CUX2: variants seen among roughly 807,000 people sequenced by gnomAD.
CUX2 encodes the protein cut like homeobox 2.
CUX2 carries 40 observed loss-of-function variants against 144.8 expected under a neutral mutation model. The observed-to-expected ratio is 0.28, with a 90% CI of 0.21 to 0.36. The LOEUF (loss-of-function observed/expected upper bound fraction) is 0.36. Ranked by LOEUF, CUX2 falls within the 10% of genes least tolerant of loss-of-function variation. The pLI is 1.00. For synonymous variants in CUX2, 827 were observed against 875.6 expected, an observed-to-expected ratio of 0.94 and a Z score of 0.98; for missense variants, 1,615 against 1,994.0, an observed-to-expected ratio of 0.81 and a Z score of 3.62.
chr12:111,170,441 GA>G (rs66614071), intron 1 of CUX2, among the ~76,000 whole-genome samples: 5 of 140,224 alleles, frequency 3.6e-5, no homozygotes, highest in African/African-American at 8.0e-5. Flanking sequence ...AAGAAAGAAA[GA>G]AAAAAAAAAA....
chr12:111,067,921 T>G (rs529975374), intron 1 of CUX2, among the ~76,000 whole-genome samples: 1 of 152,160 alleles, frequency 6.6e-6, no homozygotes, highest in South Asian at 2.1e-4. Flanking sequence ...AGAAATAAGG[T>G]CCCGCGCAGA....
In CUX2 at chr12:111,341,687, G is replaced by A. The variant is rs926091533; in HGVS notation, c.3386-93G>A. 2.1e-6 allele frequency: 3 copies of A among 1,438,752 alleles called. No homozygotes were observed. The African/African-American group carries it at 4.3e-5, about 20-fold the overall frequency. The allele number at this position is 1,438,752 out of a possible 1,614,324, so 89.1% of individuals were successfully genotyped here. A position where few individuals can be genotyped will look rare whatever the true frequency, so the allele number is the denominator to read the frequency against. ...GGCATGATGGCCTCCGAGTGGGCCT[G>A]ACAGATGCACTCCCACCATGGAACT... On this transcript the variant is annotated intron_variant, in intron 20 of 21. Coordinates refer to ENST00000261726, the MANE Select transcript of CUX2 (RefSeq NM_015267.4).
intron 6 of CUX2, among the ~76,000 whole-genome samples, chr12:111,294,210 C>T (rs1172341702): frequency 6.6e-6 from 1 of 152,158 alleles, no homozygotes; most frequent in African/African-American, 2.4e-5. Flanking sequence ...CGGGTTTAAG[C>T]AATTCTCCTG....
At chr12:111,217,488 G>A (rs904141283) in intron 2 of CUX2, among the ~76,000 whole-genome samples, 2 of 152,180 alleles carry the variant, frequency 1.3e-5, no homozygotes, top group Non-Finnish European at 2.9e-5. Flanking sequence ...GTAGTGCTGA[G>A]CATGGAGAAT....
chr12:111,137,780 G>T (rs948770126), intron 1 of CUX2, among the ~76,000 whole-genome samples: 1 of 152,198 alleles, frequency 6.6e-6, no homozygotes, highest in Admixed American at 6.5e-5. Flanking sequence ...CTCCCAAAGC[G>T]CTGGGATTAT....
chr12:111,341,636 G>GC, intron 20 of CUX2, 144 bp from the exon 21 acceptor site: 6 of 940,588 alleles, frequency 6.4e-6, no homozygotes, highest in Non-Finnish European at 9.5e-6. Context: ...AGGGAGAAAG[G>GC]CTGGGGGGCG....
intron 1 of CUX2, among the ~76,000 whole-genome samples, chr12:111,119,049 A>G (rs1450640063): frequency 6.6e-6 from 1 of 152,378 alleles, no homozygotes; most frequent in East Asian, 1.9e-4. Flanking sequence ...GATTTAATTC[A>G]TGGGAAACTT....
At position 111,338,189 on chromosome 12, in the gene CUX2, C is replaced by G. The variant is rs919324644; in HGVS notation, c.3197-97C>G. ...GGAGTCAGTGGAGATAGCCTCGAGG[C>G]TCTCCCCTGTGTCTCTGGCCTATTC... On this transcript the variant is annotated intron_variant, in intron 19 of 21. Coordinates refer to ENST00000261726, the MANE Select transcript of CUX2 (RefSeq NM_015267.4). 9.1e-6 allele frequency: 12 copies of G among 1,314,372 alleles called. No homozygotes were observed. The African/African-American group carries it at 1.6e-4, about 18-fold the overall frequency. The allele number at this position is 1,314,372 out of a possible 1,614,324, so 81.4% of individuals were successfully genotyped here.
At chr12:111,333,805 C>T (rs7311058) in intron 18 of CUX2, among the ~76,000 whole-genome samples, 45,320 of 151,550 alleles carry the variant, frequency 0.3, 7,445 homozygotes, top group East Asian at 0.58. Context: ...TGCAGTGAGC[C>T]GAGATCGCAC....
At chr12:111,346,279 C>T (rs2136456691) in intron 21 of CUX2, among the ~76,000 whole-genome samples, 1 of 152,004 alleles carries the variant, frequency 6.6e-6, no homozygotes, top group South Asian at 2.1e-4. Context: ...AGTTCAAAAC[C>T]AGCCTGACCA....
intron 1 of CUX2, among the ~76,000 whole-genome samples, chr12:111,157,479 T>TA (rs542307845): frequency 2.2e-4 from 33 of 149,594 alleles, no homozygotes; most frequent in African/African-American, 3.7e-4. Context: ...ATTACAGCTT[T>TA]AAAAAAAAAA....
intron 1 of CUX2, among the ~76,000 whole-genome samples, chr12:111,100,716 A>G (rs934844224): frequency 6.6e-6 from 1 of 152,218 alleles, no homozygotes; most frequent in Admixed American, 6.5e-5. Flanking sequence ...TGTGCTACAT[A>G]TGAGAGCGTG....
chr12:111,282,047 TG>T (rs1296345296), intron 4 of CUX2, among the ~76,000 whole-genome samples: 1 of 151,586 alleles, frequency 6.6e-6, no homozygotes, highest in Non-Finnish European at 1.5e-5. Flanking sequence ...ACAGGCCGGG[TG>T]TGGTGGCTCA....
chr12:111,045,685 G>A (rs1318725010), intron 1 of CUX2, among the ~76,000 whole-genome samples: 5 of 152,166 alleles, frequency 3.3e-5, no homozygotes, highest in Non-Finnish European at 5.9e-5. Context: ...AATGATGGGC[G>A]CTGGGCTCGG....
intron 1 of CUX2, among the ~76,000 whole-genome samples, chr12:111,122,433 G>A (rs1442801110): frequency 1.3e-5 from 2 of 152,022 alleles, no homozygotes; most frequent in Non-Finnish European, 2.9e-5. Context: ...AGGCCAGAAA[G>A]TTCGGAATAT....
chr12:111,051,897 A>T (rs1870284667), intron 1 of CUX2, among the ~76,000 whole-genome samples: 1 of 149,582 alleles, frequency 6.7e-6, no homozygotes, highest in African/African-American at 2.5e-5. Flanking sequence ...TTACTTGAGG[A>T]TTTTCTTAGT....
chr12:111,044,748 A>G (rs554952764), intron 1 of CUX2, among the ~76,000 whole-genome samples: 2 of 152,250 alleles, frequency 1.3e-5, no homozygotes, highest in African/African-American at 4.8e-5. Context: ...CACAGGAGGG[A>G]TGAGGTAGGG....
chr12:111,059,798 G>A lies in CUX2; in HGVS notation c.63+25558G>A, dbSNP rs1331387127. 6.6e-6 allele frequency among the ~76,000 whole-genome samples: 1 copy of A among 152,072 alleles called. No individual in the cohort carries two copies. The highest frequency in any genetic ancestry group is 1.5e-5 in the Non-Finnish European group (1 of 68,006). On this transcript the variant is annotated intron_variant, in intron 1 of 21. Coordinates refer to ENST00000261726, the MANE Select transcript of CUX2 (RefSeq NM_015267.4). The surrounding 1 kb of genome is among the most constrained non-coding windows in gnomAD (Gnocchi z 5.3). The stretch of plus-strand genomic sequence containing the variant: ...CCTGGCTGGGATGCCGAGGGTGGGG[G>A]CAGTGAGGGAGGTGTTGGGGAGAGC...
chr12:111,164,557 C>G (rs945618841), intron 1 of CUX2, among the ~76,000 whole-genome samples: 7 of 151,434 alleles, frequency 4.6e-5, no homozygotes, highest in African/African-American at 1.7e-4. Flanking sequence ...GCCTGGGCAA[C>G]AGAGTGAGAC....
Sources: allele counts gnomAD v4.1 joint callset (sites outside exome capture counted in the v4.1 genomes callset), GRCh38; gene constraint gnomAD v4.1.1; non-coding constraint Gnocchi (gnomAD v3.1); transcripts MANE v1.5; gene names NCBI Gene and HGNC (gene_info 2026-07-23, HGNC 2026-07-21).